The following VIT variants were observed in gnomAD, a reference collection of about 807,000 sequenced individuals.
The protein encoded by VIT is vitrin.
In VIT, 99 loss-of-function variants were observed where a neutral mutation model predicts 78.0. The ratio of observed to expected loss-of-function variants is 1.27; its 90% CI spans 1.08 to 1.50. The LOEUF (loss-of-function observed/expected upper bound fraction) is 1.50, where lower values mean the gene tolerates loss of function less well. Among genes scored for constraint, VIT ranks in the 40% most tolerant of loss-of-function variants. The pLI, the probability that VIT is intolerant of heterozygous loss-of-function variation, is 0.00. For synonymous variants in VIT, 374 were observed against 334.3 expected, an observed-to-expected ratio of 1.12 and a Z score of -1.29; for missense variants, 1,126 against 875.3, an observed-to-expected ratio of 1.29 and a Z score of -3.61.
At chr2:36,698,430 A>G (rs1026400366) in intron 1 of VIT, among the ~76,000 whole-genome samples, 2 of 152,214 alleles carry the variant, frequency 1.3e-5, no homozygotes, top group African/African-American at 4.8e-5. Flanking sequence ...GGAAAGCAGT[A>G]TGGTTCAATG....
At chr2:36,705,760 A>G (rs1042042191) in intron 1 of VIT, among the ~76,000 whole-genome samples, 2 of 152,248 alleles carry the variant, frequency 1.3e-5, no homozygotes, top group African/African-American at 2.4e-5. Flanking sequence ...TTGGAATGTC[A>G]GTAAGCATAA....
At chr2:36,792,475 C>T (rs140135635) in intron 12 of VIT, among the ~76,000 whole-genome samples, 13 of 152,316 alleles carry the variant, frequency 8.5e-5, no homozygotes, top group African/African-American at 3.1e-4. Flanking sequence ...TCCACCCCTC[C>T]CCTTTCAGCT....
At chr2:36,756,568 A>G (rs188676271) in intron 5 of VIT, among the ~76,000 whole-genome samples, 1 of 152,128 alleles carries the variant, frequency 6.6e-6, no homozygotes, top group Non-Finnish European at 1.5e-5. Flanking sequence ...CAACAAACAG[A>G]CCTTTTACTA....
intron 9 of VIT, among the ~76,000 whole-genome samples, chr2:36,778,027 C>G (rs1418977607): frequency 1.3e-5 from 2 of 151,998 alleles, no homozygotes; most frequent in Non-Finnish European, 2.9e-5. Flanking sequence ...ATTCCTGCCA[C>G]TCTCTCCCAC....
chr2:36,721,232 T>C (rs1410316434), intron 2 of VIT, among the ~76,000 whole-genome samples: 1 of 152,202 alleles, frequency 6.6e-6, no homozygotes, highest in South Asian at 2.1e-4. Flanking sequence ...CGTACACATA[T>C]ATCAAAACAT....
At chr2:36,715,017 C>G (rs183891338) in intron 1 of VIT, among the ~76,000 whole-genome samples, 170 of 152,308 alleles carry the variant, frequency 1.1e-3, no homozygotes, top group African/African-American at 3.7e-3. Flanking sequence ...ACTGTTCCCC[C>G]ACTTGGAGCC....
intron 4 of VIT, among the ~76,000 whole-genome samples, chr2:36,748,344 C>T (rs1183669753): frequency 6.6e-6 from 1 of 152,180 alleles, no homozygotes; most frequent in East Asian, 1.9e-4. Flanking sequence ...ACTCTCTCTC[C>T]TTCTCTCTCA....
intron 4 of VIT, among the ~76,000 whole-genome samples, chr2:36,747,585 T>A (rs1409006653): frequency 5.3e-5 from 8 of 152,204 alleles, no homozygotes; most frequent in African/African-American, 1.9e-4. Flanking sequence ...TAAAATCTGA[T>A]ATAAGAATAG....
intron 12 of VIT, among the ~76,000 whole-genome samples, chr2:36,798,487 T>C (rs1327763382): frequency 2.0e-5 from 3 of 152,202 alleles, no homozygotes; most frequent in Non-Finnish European, 4.4e-5. Context: ...CCACGTACAG[T>C]GGCTCATGCC....
intron 12 of VIT, among the ~76,000 whole-genome samples, chr2:36,797,094 A>T (rs1665958679): frequency 7.8e-6 from 1 of 128,672 alleles, no homozygotes; most frequent in African/African-American, 2.5e-5. Context: ...TTTTTGTTTC[A>T]ACCAATTTTT....
chr2:36,785,128 T>C (rs1165711411), intron 11 of VIT, among the ~76,000 whole-genome samples: 2 of 152,216 alleles, frequency 1.3e-5, no homozygotes, highest in African/African-American at 4.8e-5. Context: ...CCTCTGGCCC[T>C]TACTCTAATT....
intron 3 of VIT, among the ~76,000 whole-genome samples, chr2:36,730,764 G>A (rs1293535962): frequency 6.6e-6 from 1 of 152,168 alleles, no homozygotes; most frequent in East Asian, 1.9e-4. Context: ...ATCGAGTGAG[G>A]GAACAACTCT....
intron 1 of VIT, among the ~76,000 whole-genome samples, chr2:36,702,405 A>ATT (rs3078599): frequency 3.9e-4 from 57 of 144,440 alleles, no homozygotes; most frequent in African/African-American, 1.0e-3. Flanking sequence ...AGCTCAGAGG[A>ATT]TTTTTTTTTT....
intron 4 of VIT, among the ~76,000 whole-genome samples, chr2:36,744,530 A>G (rs1469726901): frequency 2.6e-5 from 4 of 152,270 alleles, no homozygotes; most frequent in Non-Finnish European, 5.9e-5. Flanking sequence ...CTGGTGTAAG[A>G]TGGTATCTCA....
intron 9 of VIT, among the ~76,000 whole-genome samples, chr2:36,778,020 C>T (rs1453850908): frequency 6.6e-6 from 1 of 152,052 alleles, no homozygotes; most frequent in Admixed American, 6.5e-5. Context: ...ATGAGTGATT[C>T]CTGCCACTCT....
chr2:36,771,975 AG>A (rs1176372602), intron 7 of VIT, among the ~76,000 whole-genome samples: 3 of 152,248 alleles, frequency 2.0e-5, no homozygotes, highest in Non-Finnish European at 4.4e-5. Context: ...CCACAGAAAA[AG>A]GGATACAACT....
At chr2:36,783,267 G>T in intron 10 of VIT, 73 bp from the exon 11 acceptor site, 1 of 1,490,078 alleles carries the variant, frequency 6.7e-7, no homozygotes, top group Non-Finnish European at 9.3e-7. Context: ...TATCCATTAT[G>T]TCCCCTCCCA....
intron 12 of VIT, among the ~76,000 whole-genome samples, chr2:36,797,096 C>A (rs1293344849): frequency 4.9e-5 from 6 of 123,470 alleles, no homozygotes; most frequent in Non-Finnish European, 1.1e-4. Flanking sequence ...TTTGTTTCAA[C>A]CAATTTTTTT....
intron 13 of VIT, among the ~76,000 whole-genome samples, chr2:36,803,556 G>C (rs1202381211): frequency 6.6e-6 from 1 of 152,104 alleles, no homozygotes; most frequent in African/African-American, 2.4e-5. Context: ...TTTGTGCTTT[G>C]GGAAAAATTG....
Sources: allele counts gnomAD v4.1 joint callset (sites outside exome capture counted in the v4.1 genomes callset), GRCh38; gene constraint gnomAD v4.1.1; transcripts MANE v1.5; gene names NCBI Gene and HGNC (gene_info 2026-07-23, HGNC 2026-07-21).